Variants in CHLSN observed in about 807,000 individuals in gnomAD.
The protein encoded by CHLSN is protein cholesin.
At chr7:1,092,130 G>A in the CHLSN span, 5 of 1,613,576 alleles carry the variant, frequency 3.1e-6, no homozygotes, top group Non-Finnish European at 3.4e-6. Flanking sequence ...CCTTCATGTC[G>A]CTCTTCCTGC....
the CHLSN span, among the ~76,000 whole-genome samples, chr7:1,012,437 T>C: frequency 6.6e-6 from 1 of 152,240 alleles, no homozygotes; most frequent in South Asian, 2.1e-4. Context: ...GCCCAGCTGT[T>C]TCCCGCAGGC....
chr7:1,072,419 TC>T, the CHLSN span, among the ~76,000 whole-genome samples: 1 of 152,232 alleles, frequency 6.6e-6, no homozygotes, highest in Non-Finnish European at 1.5e-5. Context: ...CCACGACTGC[TC>T]CTCGGATTTC....
At chr7:1,124,487 G>A in the CHLSN span, among the ~76,000 whole-genome samples, 5 of 144,908 alleles carry the variant, frequency 3.5e-5, no homozygotes, top group East Asian at 2.2e-4. Flanking sequence ...GGAAACCAGC[G>A]TCCATCTGGA....
At chr7:1,020,917 C>T in the CHLSN span, among the ~76,000 whole-genome samples, 76 of 152,316 alleles carry the variant, frequency 5.0e-4, no homozygotes, top group African/African-American at 4.8e-4. Flanking sequence ...ACTGGGGTTA[C>T]GAAAGACACC....
the CHLSN span, among the ~76,000 whole-genome samples, chr7:1,014,304 C>T: frequency 5.3e-5 from 8 of 152,242 alleles, no homozygotes; most frequent in African/African-American, 1.9e-4. Flanking sequence ...TGCATGAAAA[C>T]TATGTTTTTC....
At chr7:1,034,112 A>G in the CHLSN span, among the ~76,000 whole-genome samples, 1 of 152,384 alleles carries the variant, frequency 6.6e-6, no homozygotes, top group South Asian at 2.1e-4. Flanking sequence ...GACCGCAGAC[A>G]GTCAGGGAGC....
At chr7:1,050,355 C>T in the CHLSN span, among the ~76,000 whole-genome samples, 4 of 152,260 alleles carry the variant, frequency 2.6e-5, no homozygotes, top group African/African-American at 7.2e-5. Context: ...AGCAGGGAGC[C>T]GTCCACCTGC....
the CHLSN span, among the ~76,000 whole-genome samples, chr7:1,033,766 T>G: frequency 6.6e-6 from 1 of 151,078 alleles, no homozygotes; most frequent in Non-Finnish European, 1.5e-5. Context: ...GCCTCCTGAG[T>G]GAGGTGAGGA....
At chr7:1,136,118 A>G in the CHLSN span, among the ~76,000 whole-genome samples, 1 of 63,696 alleles carries the variant, frequency 1.6e-5, no homozygotes, top group South Asian at 4.2e-4. Context: ...ATATATACAT[A>G]AATATATATA....
chr7:989,077 G>A, the CHLSN span: 8 of 452,600 alleles, frequency 1.8e-5, no homozygotes, highest in Non-Finnish European at 2.3e-5. Flanking sequence ...GCGCCTCCAG[G>A]GCCCCGCCCA....
chr7:1,057,622 T>C, the CHLSN span: 1 of 769,934 alleles, frequency 1.3e-6, no homozygotes, highest in Non-Finnish European at 2.4e-6. Context: ...GGCCTGGTGG[T>C]GGGCGTGCCA....
chr7:996,158 G>A, the CHLSN span, among the ~76,000 whole-genome samples: 25 of 152,230 alleles, frequency 1.6e-4, no homozygotes, highest in African/African-American at 5.8e-4. Context: ...CGAGGGCCAC[G>A]GCTGAGGAGG....
chr7:987,427 A>C, the CHLSN span: 1 of 1,592,786 alleles, frequency 6.3e-7, no homozygotes, highest in South Asian at 1.1e-5. Context: ...TCTGCCCTAC[A>C]CAAGCGCCGT....
At chr7:1,091,638 A>T in the CHLSN span, 1 of 979,944 alleles carries the variant, frequency 1.0e-6, no homozygotes, top group Non-Finnish European at 1.5e-6. Flanking sequence ...CTTCAAGGAG[A>T]ATCACGCTTC....
chr7:1,004,730 C>G, the CHLSN span, among the ~76,000 whole-genome samples: 1 of 152,222 alleles, frequency 6.6e-6, no homozygotes, highest in Non-Finnish European at 1.5e-5. Context: ...GGACTGGTCC[C>G]TGCGCAACTG....
the CHLSN span, among the ~76,000 whole-genome samples, chr7:1,136,101 TATAA>T: frequency 1.3e-5 from 1 of 77,532 alleles, no homozygotes; most frequent in Admixed American, 1.5e-4. Context: ...TAAATGTGTA[TATAA>T]ATATATATAC....
the CHLSN span, among the ~76,000 whole-genome samples, chr7:1,016,874 GCACAGCAGCA>G: frequency 9.7e-5 from 6 of 61,974 alleles, no homozygotes; most frequent in Admixed American, 1.0e-3. Flanking sequence ...ACACAGCAGC[GCACAGCAGCA>G]CACACCAGCG....
chr7:1,066,119 C>G, the CHLSN span, among the ~76,000 whole-genome samples: 1 of 152,228 alleles, frequency 6.6e-6, no homozygotes, highest in Non-Finnish European at 1.5e-5. Flanking sequence ...CGGCAGCCGG[C>G]GGCTGGAGGA....
chr7:1,070,885 C>T, the CHLSN span, among the ~76,000 whole-genome samples: 17 of 144,502 alleles, frequency 1.2e-4, no homozygotes, highest in Non-Finnish European at 2.6e-4. Flanking sequence ...CGTGCACATG[C>T]ACACACGTGC....
Sources: allele counts gnomAD v4.1 joint callset (sites outside exome capture counted in the v4.1 genomes callset), GRCh38; gene constraint gnomAD v4.1.1; transcripts MANE v1.5; gene names NCBI Gene and HGNC (gene_info 2026-07-23, HGNC 2026-07-21).